The following PVT1 variants were observed in gnomAD, a reference collection of about 807,000 sequenced individuals.
PVT1 encodes Pvt1 oncogene.
Position 127,887,931 on chromosome 8 carries a change from G to GTTTTTTTTTT in PVT1, n.373-2640_373-2631dup, listed in dbSNP as rs560976785. Among the ~76,000 whole-genome samples, 40 of 66,588 alleles carry GTTTTTTTTTT rather than the reference G, an allele frequency of 6.0e-4. 10 individuals are homozygous for GTTTTTTTTTT. Among genetic ancestry groups the GTTTTTTTTTT allele is most frequent in the African/African-American group, 2.4e-3 (37 of 15,402 alleles). 43.7% of individuals were successfully genotyped at this position (66,588 alleles called of 152,430 possible). On this transcript the variant is annotated intron_variant and non_coding_transcript_variant, in intron 2 of 10. Transcript: ENST00000651587. ...TGGATGCAGAATCTCACTCTATCTT[G>GTTTTTTTTTT]TTTTTTTTTTTTTTTTTTTTTTTTT...
intron 2 of PVT1, among the ~76,000 whole-genome samples, chr8:127,835,499 G>A (rs754514636): frequency 1.7e-4 from 26 of 152,040 alleles, no homozygotes; most frequent in Non-Finnish European, 2.9e-4. Flanking sequence ...CAGTGCATGC[G>A]GGGCTTAAAA....
rs567356324 is a variant in PVT1, at chr8:128,083,298, T to C, written n.1114+12937T>C. The stretch of plus-strand genomic sequence containing the variant: ...TTGGCGCATTGTAATTGGCTGCAGA[T>C]GTGCTTGTCAAAGTAAAATTAAAAG... On this transcript the variant is annotated intron_variant and non_coding_transcript_variant, in intron 5 of 10. Coordinates refer to ENST00000651587, the Ensembl canonical transcript of PVT1. Among the ~76,000 whole-genome samples the C allele has an allele frequency of 4.6e-5, 7 of 152,370 alleles. No individual in the cohort carries two copies. In the South Asian group the frequency reaches 1.2e-3, roughly 27 times the overall value.
At position 128,019,988 on chromosome 8, in the gene PVT1, A is replaced by G. The variant is rs2648852; in HGVS notation, n.912+30697A>G. ...GCTCTGCTCAATTCCAGTTTCCATC[A>G]GAGAATCTCATTTTTCTTTTGGGAA... On this transcript the variant is annotated intron_variant and non_coding_transcript_variant, in intron 4 of 10. Transcript: ENST00000651587. Among the ~76,000 whole-genome samples the G allele has an allele frequency of 6.6e-5, 10 of 152,328 alleles. 2 individuals are homozygous for G. In the East Asian group the frequency reaches 1.9e-3, roughly 29 times the overall value.
At position 127,898,535 on chromosome 8, in the gene PVT1, G is replaced by T. The variant is rs1815715691; in HGVS notation, n.782+7537G>T. Among the ~76,000 whole-genome samples the T allele has an allele frequency of 6.6e-6, 1 of 152,180 alleles. No homozygotes were observed. Among genetic ancestry groups the T allele is most frequent in the South Asian group, 2.1e-4 (1 of 4,826 alleles). On this transcript the variant is annotated intron_variant and non_coding_transcript_variant, in intron 3 of 10. Transcript: ENST00000651587. This position sits in a 1 kb window ranked among gnomAD's most constrained non-coding sequence, Gnocchi z 4.4. Reference sequence around the variant, plus strand: ...GGAAGCGCCTTTGCTTATCATGCTGGAGACCAGACTGAGGCAGTGAAGTCA... The same window carrying T: ...GGAAGCGCCTTTGCTTATCATGCTGTAGACCAGACTGAGGCAGTGAAGTCA...
intron 3 of PVT1, among the ~76,000 whole-genome samples, chr8:127,971,951 A>T (rs1816768572): frequency 6.6e-6 from 1 of 152,228 alleles, no homozygotes. Flanking sequence ...TGTGGTGAAG[A>T]TGGCCCAGCA....
intron 3 of PVT1, among the ~76,000 whole-genome samples, chr8:127,901,282 G>A (rs1477840295): frequency 2.0e-5 from 3 of 152,274 alleles, no homozygotes; most frequent in South Asian, 4.1e-4. Flanking sequence ...TCTGGCTCTG[G>A]CCCTCACTCA....
chr8:127,997,503 C>T (rs1015608816), intron 4 of PVT1, among the ~76,000 whole-genome samples: 4 of 152,202 alleles, frequency 2.6e-5, no homozygotes, highest in South Asian at 2.1e-4. Flanking sequence ...AAGATAGTCA[C>T]CGTGTGGAGC....
chr8:127,846,980 CTTTTTTTTTTTTTT>C (rs34437112), intron 2 of PVT1, among the ~76,000 whole-genome samples: 46 of 62,426 alleles, frequency 7.4e-4, no homozygotes, highest in African/African-American at 2.8e-3. Context: ...TGCACATGGC[CTTTTTTTTTTTTTT>C]TTTTTTTTGT....
At chr8:127,987,232 T>C (rs1435189302) in intron 3 of PVT1, among the ~76,000 whole-genome samples, 1 of 152,234 alleles carries the variant, frequency 6.6e-6, no homozygotes, top group Middle Eastern at 3.2e-3. Context: ...AGACTGCCTC[T>C]TCTGCGCACT....
In PVT1 at chr8:127,855,143, A is replaced by G. The variant is rs59651317; in HGVS notation, n.373-35446A>G. The G allele has an allele frequency of 3.2e-3, 1,264 of 398,688 alleles. 14 individuals carry two copies. Among genetic ancestry groups the G allele is most frequent in the African/African-American group, 0.023 (1,123 of 48,738 alleles). The allele number at this position is 398,688 out of a possible 1,614,324, so 24.7% of individuals were successfully genotyped here. ...CTCTTTCTCCCACGTGGCTGCTGGA[A>G]TCTTCCCTAAGGACCATAGCTGTCT... On this transcript the variant is annotated intron_variant and non_coding_transcript_variant, in intron 2 of 10. Coordinates refer to ENST00000651587, the Ensembl canonical transcript of PVT1.
intron 4 of PVT1, among the ~76,000 whole-genome samples, chr8:128,041,697 T>G (rs1469832983): frequency 2.0e-5 from 3 of 151,666 alleles, no homozygotes; most frequent in Admixed American, 6.6e-5. Flanking sequence ...GTGTGTGTGT[T>G]GTTCGTGTGT....
chr8:128,000,483 G>A (rs923184574), intron 4 of PVT1, among the ~76,000 whole-genome samples: 1 of 152,228 alleles, frequency 6.6e-6, no homozygotes, highest in African/African-American at 2.4e-5. Context: ...GTTGAGAAAT[G>A]TTTTGACTAT....
intron 4 of PVT1, among the ~76,000 whole-genome samples, chr8:128,006,145 T>TAATAAA (rs200339899): frequency 0.32 from 43,169 of 133,064 alleles, 7,815 homozygotes; most frequent in East Asian, 0.52. Flanking sequence ...ATAATAATAA[T>TAATAAA]AATAAAAAGA....
intron 3 of PVT1, among the ~76,000 whole-genome samples, chr8:127,932,119 C>T (rs1241284737): frequency 2.0e-5 from 3 of 152,222 alleles, no homozygotes; most frequent in South Asian, 2.1e-4. Flanking sequence ...TGGGTGGGAA[C>T]GTCAGGAGTG....
intron 2 of PVT1, among the ~76,000 whole-genome samples, chr8:127,825,610 G>A (rs188505116): frequency 8.5e-5 from 13 of 152,224 alleles, no homozygotes; most frequent in African/African-American, 1.2e-4. Flanking sequence ...CGTGGGGTAC[G>A]ACCATGTTGC....
chr8:127,838,386 A>C (rs188700579), intron 2 of PVT1, among the ~76,000 whole-genome samples: 1 of 152,228 alleles, frequency 6.6e-6, no homozygotes, highest in East Asian at 1.9e-4. Flanking sequence ...ATTTGGAGGA[A>C]TATCAAGTAA....
intron 2 of PVT1, among the ~76,000 whole-genome samples, chr8:127,874,738 T>G (rs1815386642): frequency 6.6e-6 from 1 of 152,210 alleles, no homozygotes; most frequent in South Asian, 2.1e-4. Flanking sequence ...GTGATCTTCT[T>G]CTTCCCCAAA....
At chr8:127,847,728 C>T (rs1188461166) in intron 2 of PVT1, among the ~76,000 whole-genome samples, 8 of 151,924 alleles carry the variant, frequency 5.3e-5, no homozygotes, top group Non-Finnish European at 1.2e-4. Context: ...GGGAGTATGG[C>T]ATGCCATCTT....
chr8:127,964,635 G>C (rs1183322827), intron 3 of PVT1, among the ~76,000 whole-genome samples: 1 of 152,074 alleles, frequency 6.6e-6, no homozygotes, highest in South Asian at 2.1e-4. Context: ...AGGTGCTAAG[G>C]GACACCCTTT....
Sources: gnomAD v4.1 joint callset for allele counts (sites outside exome capture counted in the v4.1 genomes callset) on GRCh38, gnomAD v4.1.1 for gene constraint, Gnocchi (gnomAD v3.1) non-coding constraint, MANE v1.5 for transcripts, NCBI Gene and HGNC (gene_info 2026-07-23, HGNC 2026-07-21) for gene names.